The following RNF150 variants were observed in gnomAD, a reference collection of about 807,000 sequenced individuals.
The protein encoded by RNF150 is ring finger protein 150.
Under a neutral mutation model 39.3 loss-of-function variants are expected in RNF150, and 24 were observed. The ratio of observed to expected loss-of-function variants is 0.61; its 90% CI spans 0.44 to 0.86. RNF150 has a LOEUF of 0.86. Among genes scored for constraint, RNF150 ranks in the 40% least tolerant of loss-of-function variants. The pLI is 0.00. For synonymous variants in RNF150, 255 were observed against 227.3 expected (o/e 1.12, Z -1.10); for missense variants, 502 against 587.8 (o/e 0.85, Z 1.51).
At chr4:141,154,630 A>T (rs934078335) in intron 1 of RNF150, among the ~76,000 whole-genome samples, 4 of 152,232 alleles carry the variant, frequency 2.6e-5, no homozygotes, top group Non-Finnish European at 4.4e-5. Flanking sequence ...CCTGTGCAAC[A>T]CATCTGAAAA....
At chr4:141,086,113 C>T (rs1450100622) in intron 1 of RNF150, among the ~76,000 whole-genome samples, 1 of 151,340 alleles carries the variant, frequency 6.6e-6, no homozygotes, top group Non-Finnish European at 1.5e-5. Flanking sequence ...GAAAGGGCAA[C>T]CAATTGCCAA....
At position 140,867,417 on chromosome 4, in the gene RNF150, T is replaced by G. The variant is rs1315151287; in HGVS notation, c.*844A>C. 6.6e-6 allele frequency: 1 copy of G among 152,150 alleles called. No individual in the cohort carries two copies. Among genetic ancestry groups the G allele is most frequent in the African/African-American group, 2.4e-5 (1 of 41,430 alleles). 9.4% of individuals were successfully genotyped at this position (152,150 alleles called of 1,614,324 possible). A position where few individuals can be genotyped will look rare whatever the true frequency, so the allele number is the denominator to read the frequency against. On this transcript the variant is annotated 3_prime_UTR_variant, in exon 7 of 7. Transcript: ENST00000515673. ...AGCCCTACAACCACCAAAGACTGGA[T>G]GCCTTGGAGGGGACTTCTGAGTTCA...
At chr4:141,117,567 T>C (rs902906680) in intron 1 of RNF150, among the ~76,000 whole-genome samples, 5 of 152,228 alleles carry the variant, frequency 3.3e-5, no homozygotes, top group Non-Finnish European at 7.3e-5. Context: ...ACATCATTTA[T>C]ACCATCTAGA....
intron 1 of RNF150, among the ~76,000 whole-genome samples, chr4:141,026,642 C>G (rs886516140): frequency 3.3e-5 from 5 of 152,186 alleles, no homozygotes; most frequent in Non-Finnish European, 7.3e-5. Flanking sequence ...CACATATACT[C>G]CCAGGGGTAA....
intron 1 of RNF150, among the ~76,000 whole-genome samples, chr4:141,194,388 C>G (rs180691182): frequency 6.6e-6 from 1 of 152,238 alleles, no homozygotes; most frequent in African/African-American, 2.4e-5. Flanking sequence ...AAGAACTATA[C>G]GGTATTTTCA....
At chr4:140,979,917 G>A (rs1733800329) in intron 1 of RNF150, among the ~76,000 whole-genome samples, 1 of 152,102 alleles carries the variant, frequency 6.6e-6, no homozygotes, top group African/African-American at 2.4e-5. Flanking sequence ...CTCTCTTAAG[G>A]TAGTGAAAAA....
At position 140,859,945 on chromosome 4, in the gene RNF150, A is replaced by C. The variant is rs1560934033; in HGVS notation, c.*8316T>G. On this transcript the variant is annotated 3_prime_UTR_variant, in exon 7 of 7. Coordinates refer to ENST00000515673, the MANE Select transcript of RNF150 (RefSeq NM_020724.2). ...AGTACGTAAGAACACGATTGCACTT[A>C]TTTACATGATAGTCTTCTATATAAC... 1 of 152,132 alleles carries C rather than the reference A, an allele frequency of 6.6e-6. No individual in the cohort carries two copies. Among genetic ancestry groups the C allele is most frequent in the Non-Finnish European group, 1.5e-5 (1 of 68,016 alleles). 9.4% of individuals were successfully genotyped at this position (152,132 alleles called of 1,614,324 possible).
At chr4:141,096,929 T>C (rs932000760) in intron 1 of RNF150, among the ~76,000 whole-genome samples, 4 of 152,238 alleles carry the variant, frequency 2.6e-5, no homozygotes, top group Non-Finnish European at 5.9e-5. Flanking sequence ...TTGTTCACAA[T>C]GGCTGATAAC....
At chr4:141,152,510 AT>A (rs1393418497) in intron 1 of RNF150, among the ~76,000 whole-genome samples, 1 of 151,034 alleles carries the variant, frequency 6.6e-6, no homozygotes, top group Admixed American at 6.6e-5. Context: ...TATTTATTTT[AT>A]TATTTTATTA....
intron 1 of RNF150, among the ~76,000 whole-genome samples, chr4:141,036,152 C>T (rs897023385): frequency 3.3e-5 from 5 of 152,114 alleles, no homozygotes; most frequent in African/African-American, 1.2e-4. Context: ...GCATAAGGAG[C>T]AACAACAAAT....
intron 1 of RNF150, among the ~76,000 whole-genome samples, chr4:141,138,482 G>T (rs1312481668): frequency 6.6e-6 from 1 of 151,980 alleles, no homozygotes; most frequent in African/African-American, 2.4e-5. Context: ...ATATAATAGA[G>T]AATTCACATT....
chr4:140,874,447 T>G (rs962924717), intron 6 of RNF150, among the ~76,000 whole-genome samples: 1 of 152,214 alleles, frequency 6.6e-6, no homozygotes, highest in African/African-American at 2.4e-5. Context: ...TGGTAAATAT[T>G]TCTAGAATTG....
intron 1 of RNF150, among the ~76,000 whole-genome samples, chr4:141,199,120 A>G (rs995514051): frequency 6.6e-6 from 1 of 152,350 alleles, no homozygotes; most frequent in South Asian, 2.1e-4. Context: ...ACTTGAAAAG[A>G]TGCTCAACAT....
chr4:141,053,936 C>T, intron 1 of RNF150, among the ~76,000 whole-genome samples: 1 of 152,062 alleles, frequency 6.6e-6, no homozygotes. Context: ...ATTGAGATGT[C>T]CTATATTTGG....
chr4:140,918,498 C>T (rs1730947532), intron 5 of RNF150, among the ~76,000 whole-genome samples: 1 of 152,170 alleles, frequency 6.6e-6, no homozygotes, highest in Non-Finnish European at 1.5e-5. Flanking sequence ...GAAGTTGAAT[C>T]TCTGAATAGA....
chr4:141,210,195 T>C (rs1728439959), intron 1 of RNF150, among the ~76,000 whole-genome samples: 2 of 152,226 alleles, frequency 1.3e-5, no homozygotes, highest in Admixed American at 1.3e-4. Flanking sequence ...TGATCTCTCA[T>C]GCTTGGCTGG....
intron 1 of RNF150, among the ~76,000 whole-genome samples, chr4:141,199,594 C>T (rs1728256903): frequency 1.3e-5 from 2 of 152,002 alleles, no homozygotes; most frequent in African/African-American, 2.4e-5. Flanking sequence ...AAGTCAGACC[C>T]CCAAATCTTC....
intron 1 of RNF150, among the ~76,000 whole-genome samples, chr4:141,023,046 C>T (rs897341620): frequency 2.6e-5 from 4 of 151,814 alleles, no homozygotes; most frequent in Non-Finnish European, 5.9e-5. Flanking sequence ...CATAATTATA[C>T]ACCAAGTTTA....
intron 4 of RNF150, among the ~76,000 whole-genome samples, chr4:140,935,861 G>T (rs181354981): frequency 6.6e-6 from 1 of 152,202 alleles, no homozygotes; most frequent in East Asian, 1.9e-4. Context: ...TTAAGTGTGT[G>T]TATGTTTACG....
Sources: gnomAD v4.1 joint callset for allele counts (sites outside exome capture counted in the v4.1 genomes callset) on GRCh38, gnomAD v4.1.1 for gene constraint, MANE v1.5 for transcripts, NCBI Gene and HGNC (gene_info 2026-07-23, HGNC 2026-07-21) for gene names.